PRELID2: variants seen among roughly 807,000 people sequenced by gnomAD.
PRELID2 encodes the protein PRELI domain-containing protein 2.
In PRELID2, 25 loss-of-function variants were observed where a neutral mutation model predicts 28.4. The observed-to-expected ratio is 0.88, with a 90% CI of 0.64 to 1.23. PRELID2 has a LOEUF of 1.23. Among genes scored for constraint, PRELID2 ranks in the 50% most tolerant of loss-of-function variants. PRELID2 has a pLI of 0.00. For synonymous variants in PRELID2, 76 were observed against 71.6 expected (o/e 1.06, Z -0.31); for missense variants, 201 against 214.4 (o/e 0.94, Z 0.39).
At chr5:145,823,892 T>C (rs531703571) in intron 1 of PRELID2, among the ~76,000 whole-genome samples, 1 of 152,330 alleles carries the variant, frequency 6.6e-6, no homozygotes, top group African/African-American at 2.4e-5. Context: ...AACCATTCTA[T>C]AAGGTATGTG....
At chr5:145,247,844 A>T in the PRELID2 span, among the ~76,000 whole-genome samples, 1 of 152,126 alleles carries the variant, frequency 6.6e-6, no homozygotes, top group Non-Finnish European at 1.5e-5. Flanking sequence ...TCTAGTTCAG[A>T]TTAGTCACTC....
In PRELID2 at chr5:145,741,684, A is replaced by T. The variant is rs1356599422; in HGVS notation, n.70+23247T>A. Among the ~76,000 whole-genome samples the T allele has an allele frequency of 2.8e-3, 37 of 13,016 alleles. 17 individuals carry two copies. Among genetic ancestry groups the T allele is most frequent in the African/African-American group, 5.6e-3 (37 of 6,564 alleles). The allele number at this position is 13,016 out of a possible 152,430, so 8.5% of individuals were successfully genotyped here. On this transcript the variant is annotated intron_variant and non_coding_transcript_variant, in intron 1 of 2. Transcript: ENST00000510259. Reference sequence around the variant, plus strand: ...ATTTATATATAAATAATTTATAAATAATTTATTTATATATAAATAATTTAT... The same window carrying T: ...ATTTATATATAAATAATTTATAAATTATTTATTTATATATAAATAATTTAT...
At chr5:145,229,950 G>T in the PRELID2 span, 1 of 747,142 alleles carries the variant, frequency 1.3e-6, no homozygotes, top group South Asian at 1.4e-5. Context: ...GAGCGTGAAC[G>T]TGCAGGGTGA....
At chr5:145,494,964 A>C (rs1752297725) in intron 1 of PRELID2, among the ~76,000 whole-genome samples, 1 of 152,156 alleles carries the variant, frequency 6.6e-6, no homozygotes, top group Non-Finnish European at 1.5e-5. Context: ...TGCCAATGAC[A>C]ATATGTCTTC....
At chr5:145,554,048 G>C (rs577324464) in intron 1 of PRELID2, among the ~76,000 whole-genome samples, 1 of 152,136 alleles carries the variant, frequency 6.6e-6, no homozygotes, top group East Asian at 1.9e-4. Context: ...CCCAAGTTTT[G>C]GACCTGCTAG....
rs1384181078 is a variant in PRELID2, at chr5:145,505,842, T to C, written n.71-32527A>G. ...CTTAAAAAGAAAATCCTGCAATATGTGACAATATGGATGAAACTTGAGAAC... is the reference window on the plus strand; with the variant it reads ...CTTAAAAAGAAAATCCTGCAATATGCGACAATATGGATGAAACTTGAGAAC... On this transcript the variant is annotated intron_variant and non_coding_transcript_variant, in intron 1 of 2. Transcript: ENST00000510259. Among the ~76,000 whole-genome samples the C allele has an allele frequency of 5.3e-5, 8 of 152,250 alleles. No homozygotes were observed. The South Asian group carries it at 1.7e-3, about 32-fold the overall frequency.
At position 145,744,684 on chromosome 5, in the gene PRELID2, C is replaced by T. The variant is rs114459580; in HGVS notation, n.70+20247G>A. 2.5e-3 allele frequency among the ~76,000 whole-genome samples: 382 copies of T among 152,038 alleles called. 1 individual carries two copies. Among genetic ancestry groups the T allele is most frequent in the African/African-American group, 8.8e-3 (366 of 41,464 alleles). ...ACAGTATCAACAACAACAGAAAGGC[C>T]GCACAAAAACCCTACCCAAGGGTCA... On this transcript the variant is annotated intron_variant and non_coding_transcript_variant, in intron 1 of 2. Coordinates refer to the PRELID2 transcript ENST00000510259.
the PRELID2 span, among the ~76,000 whole-genome samples, chr5:145,401,731 G>C: frequency 2.6e-5 from 4 of 152,062 alleles, no homozygotes; most frequent in African/African-American, 7.2e-5. Context: ...TTTATCTAAA[G>C]TAGCAATTTG....
At chr5:145,275,208 C>G in the PRELID2 span, among the ~76,000 whole-genome samples, 10,735 of 152,170 alleles carry the variant, frequency 0.071, 1,220 homozygotes, top group African/African-American at 0.24. Flanking sequence ...TGAGTACTTA[C>G]TCTGTGCAGG....
intron 1 of PRELID2, among the ~76,000 whole-genome samples, chr5:145,741,916 A>G (rs1242956334): frequency 1.7e-4 from 20 of 114,948 alleles, no homozygotes; most frequent in African/African-American, 6.9e-4. Flanking sequence ...TTATATATAA[A>G]TAAACAAATA....
intron 1 of PRELID2, among the ~76,000 whole-genome samples, chr5:145,698,060 T>A (rs1223359120): frequency 6.6e-6 from 1 of 152,086 alleles, no homozygotes; most frequent in Admixed American, 6.6e-5. Flanking sequence ...GCAAGCTCTT[T>A]GGTATTATTA....
At chr5:145,734,146 C>T (rs1019923) in intron 1 of PRELID2, among the ~76,000 whole-genome samples, 123,751 of 151,764 alleles carry the variant, frequency 0.82, 50,865 homozygotes, top group East Asian at 0.88. Flanking sequence ...GATGGAGTCT[C>T]ACTCTGTCAC....
At chr5:145,818,656 T>G (rs1279001645) in intron 3 of PRELID2, among the ~76,000 whole-genome samples, 2 of 152,214 alleles carry the variant, frequency 1.3e-5, no homozygotes, top group Non-Finnish European at 2.9e-5. Context: ...AATAATTTGC[T>G]GCTACACTGC....
At chr5:145,445,161 T>G in the PRELID2 span, among the ~76,000 whole-genome samples, 1 of 151,924 alleles carries the variant, frequency 6.6e-6, no homozygotes, top group Non-Finnish European at 1.5e-5. Flanking sequence ...CAAAAGAGCA[T>G]GACACTGGTA....
the PRELID2 span, among the ~76,000 whole-genome samples, chr5:145,339,419 A>G: frequency 6.6e-6 from 1 of 152,110 alleles, no homozygotes; most frequent in African/African-American, 2.4e-5. Flanking sequence ...AGTGTTAGCT[A>G]TGAGAGAACC....
intron 1 of PRELID2, among the ~76,000 whole-genome samples, chr5:145,624,148 G>A (rs1300191041): frequency 2.0e-5 from 3 of 152,204 alleles, no homozygotes; most frequent in Non-Finnish European, 4.4e-5. Flanking sequence ...GTGGGGAAGT[G>A]TGCTGATCCT....
intron 4 of PRELID2, among the ~76,000 whole-genome samples, chr5:145,817,206 A>ATATATATAT (rs1423577359): frequency 0.017 from 1,064 of 61,706 alleles, 79 homozygotes; most frequent in Non-Finnish European, 0.033. Flanking sequence ...AAAATAAATA[A>ATATATATAT]ATAAATAAAA....
At chr5:145,659,570 G>T (rs987186240) in intron 1 of PRELID2, among the ~76,000 whole-genome samples, 11 of 152,188 alleles carry the variant, frequency 7.2e-5, no homozygotes, top group Non-Finnish European at 1.5e-4. Context: ...GACTCTCCTA[G>T]CTTAGAATGG....
Position 145,606,930 on chromosome 5 carries a change from TG to T in PRELID2, n.71-133616del, listed in dbSNP as rs550605694. ...CTGATTCAATTTTGGAACTCATTAG[TG>T]GCTTTTCAGGGATTCAGTTTCTTCC... On this transcript the variant is annotated intron_variant and non_coding_transcript_variant, in intron 1 of 2. Transcript: ENST00000510259. Among the ~76,000 whole-genome samples the T allele has an allele frequency of 1.1e-4, 17 of 152,196 alleles. No individual in the cohort carries two copies. The South Asian group carries it at 3.5e-3, about 32-fold the overall frequency.
Sources: allele counts gnomAD v4.1 joint callset (sites outside exome capture counted in the v4.1 genomes callset), GRCh38; gene constraint gnomAD v4.1.1; transcripts MANE v1.5; gene names NCBI Gene and HGNC (gene_info 2026-07-23, HGNC 2026-07-21).